The following CTNNA1 variants were observed in gnomAD, a reference collection of about 807,000 sequenced individuals.
The protein encoded by CTNNA1 is catenin alpha-1.
A neutral mutation model predicts 98.4 loss-of-function variants in CTNNA1; 37 were observed. The ratio of observed to expected loss-of-function variants is 0.38; its 90% CI spans 0.29 to 0.49. CTNNA1 has a LOEUF of 0.49. CTNNA1 is among the 20% of genes least tolerant of loss of function. CTNNA1 has a pLI of 0.95. For missense variants in CTNNA1, 761 were observed against 1,147.2 expected (o/e 0.66, Z 4.86); for synonymous variants, 404 against 413.2 (o/e 0.98, Z 0.27).
At chr5:138,799,852 A>G (rs1424269704) in intron 3 of CTNNA1, among the ~76,000 whole-genome samples, 3 of 105,178 alleles carry the variant, frequency 2.9e-5, no homozygotes, top group Non-Finnish European at 6.3e-5. Flanking sequence ...ATTAGAGTAG[A>G]TGTAGATGTA....
intron 8 of CTNNA1, 149 bp downstream of exon 8, chr5:138,886,441 T>C: frequency 1.3e-6 from 1 of 797,824 alleles, no homozygotes. Context: ...TTGTTGCTAA[T>C]ATGCTTCTTA....
In CTNNA1 at chr5:138,873,184, T is replaced by G. The variant is rs1263623904; in HGVS notation, c.1063-13028T>G. ...GGAGCTGCCTGTGGTTCTGAACCAT[T>G]GAGCACTGCCTAATTCTTCTTAAAG... On this transcript the variant is annotated intron_variant, in intron 7 of 17. Coordinates refer to ENST00000302763, the MANE Select transcript of CTNNA1 (RefSeq NM_001903.5). The surrounding 1 kb of genome is among the most constrained non-coding windows in gnomAD (Gnocchi z 6.1). 4 of 1,614,028 alleles carry G rather than the reference T, an allele frequency of 2.5e-6. No homozygotes were observed. The highest frequency in any genetic ancestry group is 3.4e-6 in the Non-Finnish European group (4 of 1,179,888).
At chr5:138,900,673 T>TAA (rs1188516238) in intron 9 of CTNNA1, among the ~76,000 whole-genome samples, 1 of 152,074 alleles carries the variant, frequency 6.6e-6, no homozygotes, top group East Asian at 1.9e-4. Flanking sequence ...CATCGTGGAG[T>TAA]AAAGGTAGAG....
chr5:138,870,835 TG>T (rs2149917814), intron 7 of CTNNA1: 1 of 152,306 alleles, frequency 6.6e-6, no homozygotes, highest in Non-Finnish European at 1.5e-5. Flanking sequence ...TAATTCAGCC[TG>T]TCTGTGGGGA....
chr5:138,911,542 C>G (rs1276842481), intron 10 of CTNNA1, among the ~76,000 whole-genome samples: 1 of 152,100 alleles, frequency 6.6e-6, no homozygotes, highest in East Asian at 1.9e-4. Context: ...GTGATGGAAG[C>G]AGAGGCTGGC....
chr5:138,781,717 A>AC (rs1425116080), intron 1 of CTNNA1, among the ~76,000 whole-genome samples: 1 of 152,108 alleles, frequency 6.6e-6, no homozygotes, highest in Non-Finnish European at 1.5e-5. Context: ...CTCTTGTAGT[A>AC]CCCCTCCTAT....
intron 3 of CTNNA1, among the ~76,000 whole-genome samples, chr5:138,791,424 C>T (rs1265710446): frequency 5.9e-5 from 9 of 151,864 alleles, no homozygotes; most frequent in Admixed American, 5.9e-4. Context: ...GAAGACCCTC[C>T]TGGCCAACAT....
At chr5:138,916,395 C>CTT (rs751646294) in intron 10 of CTNNA1, among the ~76,000 whole-genome samples, 51 of 139,518 alleles carry the variant, frequency 3.7e-4, no homozygotes, top group Middle Eastern at 7.5e-3. Context: ...TGTTTTTTGT[C>CTT]TTTTTTTTTT....
At chr5:138,895,585 T>C (rs1756605829) in intron 9 of CTNNA1, among the ~76,000 whole-genome samples, 1 of 152,124 alleles carries the variant, frequency 6.6e-6, no homozygotes, top group African/African-American at 2.4e-5. Flanking sequence ...AAGAAAATTG[T>C]AACAAAATTC....
chr5:138,810,050 A>G lies in CTNNA1; in HGVS notation c.314A>G (p.Lys105Arg). Reference sequence around the variant, plus strand: ...TTCTGTAAAACAGGTGATTTGATGAAGGCTGCTGCAGGAGAGTTCGCAGAT... The same window carrying G: ...TTCTGTAAAACAGGTGATTTGATGAGGGCTGCTGCAGGAGAGTTCGCAGAT... Reference protein sequence around the residue: ...EDVRKQGDLMKAAAGEFADDP... With the variant: ...EDVRKQGDLMRAAAGEFADDP... The change falls in exon 4 of 18, where the codon AAG becomes AGG. Residue 105 changes from lysine (K) to arginine (R), a missense_variant. Around this residue, in one of 6 missense-constraint regions of CTNNA1, gnomAD observed 328 missense variants for 354.3 expected, o/e 0.93. Transcript: ENST00000302763. The G allele has an allele frequency of 6.2e-7, 1 of 1,605,172 alleles. No homozygotes were observed. Among genetic ancestry groups the G allele is most frequent in the Non-Finnish European group, 8.5e-7 (1 of 1,172,722 alleles).
intron 7 of CTNNA1, among the ~76,000 whole-genome samples, chr5:138,839,065 T>G (rs1461677277): frequency 2.0e-5 from 3 of 152,244 alleles, no homozygotes; most frequent in African/African-American, 7.2e-5. Context: ...TTTCTGTTAC[T>G]GATTTCTAGT....
intron 7 of CTNNA1, among the ~76,000 whole-genome samples, chr5:138,882,674 G>A (rs2150001755): frequency 6.6e-6 from 1 of 152,246 alleles, no homozygotes; most frequent in Admixed American, 6.5e-5. Flanking sequence ...GGCAAGGGTT[G>A]GAGTAAAAAG....
chr5:138,804,123 G>A (rs575887523), intron 3 of CTNNA1, among the ~76,000 whole-genome samples: 5 of 152,296 alleles, frequency 3.3e-5, no homozygotes, highest in African/African-American at 9.6e-5. Context: ...CATTTTACAA[G>A]GTATCTTAAT....
intron 11 of CTNNA1, among the ~76,000 whole-genome samples, chr5:138,924,289 T>G (rs1344925796): frequency 7.3e-6 from 1 of 137,730 alleles, no homozygotes; most frequent in Non-Finnish European, 1.6e-5. Context: ...TTTGTTTTTT[T>G]TTTTTTAAAA....
At chr5:138,841,257 GTATGTATT>G (rs1472836244) in intron 7 of CTNNA1, among the ~76,000 whole-genome samples, 1 of 152,020 alleles carries the variant, frequency 6.6e-6, no homozygotes, top group Non-Finnish European at 1.5e-5. Flanking sequence ...ATATATGTAT[GTATGTATT>G]TATTTATTTT....
chr5:138,883,658 A>G (rs1349927400), intron 7 of CTNNA1, among the ~76,000 whole-genome samples: 1 of 152,236 alleles, frequency 6.6e-6, no homozygotes, highest in Non-Finnish European at 1.5e-5. Flanking sequence ...TGAAGTCTAC[A>G]TGCTCAACCT....
Position 138,934,353 on chromosome 5 carries a change from T to G in CTNNA1, c.*264T>G. ...TTCATAACCAAAGAGAATCCCACAT[T>G]AGCTTGTTAGTAATGCTCTGACCAA... On this transcript the variant is annotated 3_prime_UTR_variant, in exon 18 of 18. Coordinates refer to ENST00000302763, the MANE Select transcript of CTNNA1 (RefSeq NM_001903.5). The G allele has an allele frequency of 2.3e-6, 1 of 429,052 alleles. No individual in the cohort carries two copies. Among genetic ancestry groups the G allele is most frequent in the Non-Finnish European group, 4.2e-6 (1 of 239,206 alleles). 26.6% of individuals were successfully genotyped at this position (429,052 alleles called of 1,614,324 possible).
rs369653057 is a variant in CTNNA1 at position 138,823,956 on chromosome 5, C to CA, written c.589-544dup. On this transcript the variant is annotated intron_variant, in intron 5 of 17. Coordinates refer to ENST00000302763, the MANE Select transcript of CTNNA1 (RefSeq NM_001903.5). ...TGGGCGACAGAGCGAGACTCCGTCT[C>CA]AAAAAAAAAAAAAAAAAAAAAAAAA... is the stretch of plus-strand genomic sequence containing the variant. 1.8e-3 allele frequency among the ~76,000 whole-genome samples: 118 copies of CA among 64,416 alleles called. 5 individuals carry two copies. The highest frequency in any genetic ancestry group is 5.3e-3 in the African/African-American group (103 of 19,270). The allele number at this position is 64,416 out of a possible 152,430, so 42.3% of individuals were successfully genotyped here.
At chr5:138,777,401 A>G (rs1754445488) in intron 1 of CTNNA1, among the ~76,000 whole-genome samples, 2 of 148,576 alleles carry the variant, frequency 1.3e-5, no homozygotes, top group African/African-American at 5.0e-5. Context: ...GGGGCTCCTC[A>G]CGTCCCAGAC....
Sources: allele counts gnomAD v4.1 joint callset (sites outside exome capture counted in the v4.1 genomes callset), GRCh38; gene constraint gnomAD v4.1.1; regional missense constraint gnomAD v4.1.1; non-coding constraint Gnocchi (gnomAD v3.1); transcripts MANE v1.5; gene names NCBI Gene and HGNC (gene_info 2026-07-23, HGNC 2026-07-21).